Variants in TOX observed in about 807,000 individuals in gnomAD.
The protein encoded by TOX is thymocyte selection-associated high mobility group box protein TOX.
A neutral mutation model predicts 53.7 loss-of-function variants in TOX; 11 were observed. That is an observed-to-expected ratio of 0.20 (90% CI 0.13 to 0.34). TOX has a LOEUF of 0.34. Among genes scored for constraint, TOX ranks in the 10% least tolerant of loss-of-function variants. TOX has a pLI of 1.00. For synonymous variants in TOX, 225 were observed against 245.3 expected, an observed-to-expected ratio of 0.92 and a Z score of 0.77; for missense variants, 570 against 664.6, an observed-to-expected ratio of 0.86 and a Z score of 1.56.
intron 2 of TOX, among the ~76,000 whole-genome samples, chr8:58,952,455 GT>G (rs1421118385): frequency 6.6e-6 from 1 of 152,204 alleles, no homozygotes; most frequent in African/African-American, 2.4e-5. Context: ...GGATCATTTA[GT>G]TTTTAATAAT....
intron 1 of TOX, among the ~76,000 whole-genome samples, chr8:59,025,411 C>T (rs997079680): frequency 3.3e-5 from 5 of 152,114 alleles, no homozygotes; most frequent in African/African-American, 1.2e-4. Context: ...GGCCAGTCCA[C>T]CCTCCACGGA....
intron 3 of TOX, among the ~76,000 whole-genome samples, chr8:58,908,138 C>T (rs1324738020): frequency 6.6e-6 from 1 of 152,228 alleles, no homozygotes; most frequent in East Asian, 1.9e-4. Flanking sequence ...TTTTTCCCCT[C>T]AATGCAAATG....
chr8:58,972,274 A>C (rs1470240885), intron 1 of TOX, among the ~76,000 whole-genome samples: 2 of 152,214 alleles, frequency 1.3e-5, no homozygotes, highest in African/African-American at 4.8e-5. Flanking sequence ...TACCTAGGGA[A>C]ACAGCTATTA....
chr8:58,838,549 C>T (rs768144679), intron 4 of TOX, among the ~76,000 whole-genome samples: 1 of 151,960 alleles, frequency 6.6e-6, no homozygotes, highest in Admixed American at 6.6e-5. Context: ...AAAGTTGGCT[C>T]TTTTTATATT....
At chr8:58,989,693 A>G (rs545222041) in intron 1 of TOX, among the ~76,000 whole-genome samples, 31 of 152,338 alleles carry the variant, frequency 2.0e-4, no homozygotes, top group African/African-American at 7.5e-4. Context: ...GTGTCCTCCA[A>G]TTAGCTGTAT....
At chr8:59,018,649 C>A (rs1563419920) in intron 1 of TOX, among the ~76,000 whole-genome samples, 1 of 152,222 alleles carries the variant, frequency 6.6e-6, no homozygotes, top group Non-Finnish European at 1.5e-5. Context: ...TCCGGAGTTT[C>A]TTCACTCCTC....
At chr8:59,012,177 G>A (rs936041016) in intron 1 of TOX, among the ~76,000 whole-genome samples, 1 of 152,126 alleles carries the variant, frequency 6.6e-6, no homozygotes, top group African/African-American at 2.4e-5. Flanking sequence ...TAAGGATTAG[G>A]AATTTAATGG....
intron 3 of TOX, among the ~76,000 whole-genome samples, chr8:58,928,539 C>A (rs925732640): frequency 6.6e-5 from 10 of 152,146 alleles, no homozygotes; most frequent in Admixed American, 2.6e-4. Flanking sequence ...TACATATATA[C>A]ATACAGATGC....
intron 3 of TOX, among the ~76,000 whole-genome samples, chr8:58,885,556 A>G (rs1811452204): frequency 6.6e-6 from 1 of 152,162 alleles, no homozygotes; most frequent in African/African-American, 2.4e-5. Context: ...ATGTTAGTAA[A>G]AAAAGAAAGC....
chr8:59,039,148 A>G (rs890014285), intron 1 of TOX, among the ~76,000 whole-genome samples: 3 of 152,236 alleles, frequency 2.0e-5, no homozygotes, highest in Non-Finnish European at 4.4e-5. Flanking sequence ...TGGTAATCCT[A>G]CATTATGTCA....
chr8:58,816,854 T>A (rs981450268), intron 6 of TOX, among the ~76,000 whole-genome samples: 1 of 152,188 alleles, frequency 6.6e-6, no homozygotes, highest in Non-Finnish European at 1.5e-5. Flanking sequence ...AGAAACGGGT[T>A]CATCATGCAC....
At chr8:58,842,050 A>T (rs1810653855) in intron 4 of TOX, among the ~76,000 whole-genome samples, 1 of 152,228 alleles carries the variant, frequency 6.6e-6, no homozygotes, top group South Asian at 2.1e-4. Context: ...AAATGCTCTT[A>T]TTAAAAGATT....
intron 1 of TOX, among the ~76,000 whole-genome samples, chr8:59,012,751 A>G (rs966490767): frequency 6.6e-6 from 1 of 152,164 alleles, no homozygotes; most frequent in African/African-American, 2.4e-5. Context: ...TTTGACTTCA[A>G]AAGTGACAAT....
At chr8:58,907,236 C>T (rs1320421320) in intron 3 of TOX, among the ~76,000 whole-genome samples, 1 of 152,178 alleles carries the variant, frequency 6.6e-6, no homozygotes, top group East Asian at 1.9e-4. Flanking sequence ...ACAGGATGTA[C>T]ATCAAATGTG....
At chr8:59,111,633 G>A (rs976077428) in intron 1 of TOX, among the ~76,000 whole-genome samples, 10 of 151,888 alleles carry the variant, frequency 6.6e-5, no homozygotes, top group Non-Finnish European at 1.3e-4. Flanking sequence ...TTTCTAGCTC[G>A]GTAACCCCAA....
At chr8:58,826,775 G>A (rs566591387) in intron 6 of TOX, 47 bp downstream of exon 6, 58 of 1,524,490 alleles carry the variant, frequency 3.8e-5, no homozygotes, top group African/African-American at 5.6e-5. Context: ...CAAAGTCTGC[G>A]CCGAGATGGC....
intron 3 of TOX, among the ~76,000 whole-genome samples, chr8:58,857,079 C>G (rs1025350572): frequency 2.6e-5 from 4 of 152,134 alleles, no homozygotes; most frequent in African/African-American, 9.7e-5. Flanking sequence ...GTATCTAGAA[C>G]AGATCTTGGC....
intron 3 of TOX, among the ~76,000 whole-genome samples, chr8:58,863,000 T>G (rs1340457293): frequency 6.6e-6 from 1 of 152,094 alleles, no homozygotes; most frequent in Non-Finnish European, 1.5e-5. Context: ...GTGACTGACT[T>G]TAAAGCACTA....
Position 58,813,470 on chromosome 8 carries a change from C to T in TOX, c.1392+1868G>A, listed in dbSNP as rs1022540091. Among the ~76,000 whole-genome samples the T allele has an allele frequency of 3.9e-5, 6 of 152,288 alleles. No homozygotes were observed. The East Asian group carries it at 9.6e-4, about 24-fold the overall frequency. ...CACCCTCAAACAGGGGCCAATTACC[C>T]AACCAAGGGTGGCATCCTCCAAACC... On this transcript the variant is annotated intron_variant, in intron 7 of 8. Coordinates refer to ENST00000361421, the MANE Select transcript of TOX (RefSeq NM_014729.3).
Sources: allele counts gnomAD v4.1 joint callset (sites outside exome capture counted in the v4.1 genomes callset), GRCh38; gene constraint gnomAD v4.1.1; transcripts MANE v1.5; gene names NCBI Gene and HGNC (gene_info 2026-07-23, HGNC 2026-07-21).